Variants in GTF2IRD1 observed in about 807,000 individuals in gnomAD.
The protein encoded by GTF2IRD1 is GTF2I repeat domain containing 1.
Under a neutral mutation model 113.2 loss-of-function variants are expected in GTF2IRD1, and 26 were observed. The observed-to-expected ratio is 0.23, with a 90% CI of 0.17 to 0.32. GTF2IRD1 has a LOEUF of 0.32. GTF2IRD1 is among the 10% of genes least tolerant of loss of function. The pLI is 1.00. For synonymous variants in GTF2IRD1, 484 were observed against 529.1 expected (o/e 0.91, Z 1.17); for missense variants, 864 against 1,280.8 (o/e 0.67, Z 4.97).
intron 22 of GTF2IRD1, among the ~76,000 whole-genome samples, chr7:74,583,759 G>T (rs1206931247): frequency 1.7e-4 from 26 of 152,168 alleles, no homozygotes; most frequent in Admixed American, 5.2e-4. Context: ...GACCAGGCAA[G>T]ACTTGGAAGG....
rs1554326440 is a variant in GTF2IRD1, at chr7:74,454,117, G to C, written c.-66G>C. ...TAAGGAGGCAGCGGCAGGAGGCTGAGTCCTGGCCGCGGGCCGGGGCCGGGG... is the reference window on the plus strand; with the variant it reads ...TAAGGAGGCAGCGGCAGGAGGCTGACTCCTGGCCGCGGGCCGGGGCCGGGG... On this transcript the variant is annotated 5_prime_UTR_variant, in exon 1 of 27. Transcript: ENST00000424337. 1 of 151,964 alleles carries C rather than the reference G, an allele frequency of 6.6e-6. No individual in the cohort carries two copies. Among genetic ancestry groups the C allele is most frequent in the African/African-American group, 2.4e-5 (1 of 41,352 alleles). 9.4% of individuals were successfully genotyped at this position (151,964 alleles called of 1,614,324 possible).
intron 22 of GTF2IRD1, among the ~76,000 whole-genome samples, chr7:74,588,478 A>G (rs1219562788): frequency 1.3e-5 from 2 of 150,942 alleles, no homozygotes; most frequent in Non-Finnish European, 3.0e-5. Flanking sequence ...TCCCACTGCC[A>G]CTCCGTCCTT....
intron 7 of GTF2IRD1, among the ~76,000 whole-genome samples, chr7:74,522,312 G>A (rs1297210466): frequency 1.3e-5 from 2 of 151,920 alleles, no homozygotes; most frequent in Non-Finnish European, 2.9e-5. Flanking sequence ...GAAAGTTTGG[G>A]ATTCAGTTAT....
intron 13 of GTF2IRD1, among the ~76,000 whole-genome samples, chr7:74,539,560 A>G (rs1471492323): frequency 4.6e-5 from 7 of 152,166 alleles, no homozygotes; most frequent in Admixed American, 4.6e-4. Context: ...CCTGGCCAAC[A>G]TAGTGAAACC....
intron 1 of GTF2IRD1, among the ~76,000 whole-genome samples, chr7:74,492,427 C>G (rs1795416261): frequency 6.6e-6 from 1 of 152,062 alleles, no homozygotes; most frequent in South Asian, 2.1e-4. Flanking sequence ...ACCTTGGCCT[C>G]CAAAAGTGCT....
At chr7:74,471,672 T>TAAAAAAAAAAAA (rs66929736) in intron 1 of GTF2IRD1, among the ~76,000 whole-genome samples, 34 of 104,660 alleles carry the variant, frequency 3.2e-4, no homozygotes, top group Middle Eastern at 6.0e-3. Context: ...TTGAAATATT[T>TAAAAAAAAAAAA]AAAAAAAAAA....
intron 4 of GTF2IRD1, among the ~76,000 whole-genome samples, chr7:74,517,868 G>T (rs1584578788): frequency 1.3e-5 from 2 of 152,236 alleles, no homozygotes; most frequent in Non-Finnish European, 2.9e-5. Flanking sequence ...TGCCCAGAGT[G>T]GAGAGGGGCT....
chr7:74,553,479 G>A (rs1799424507), intron 17 of GTF2IRD1, among the ~76,000 whole-genome samples: 1 of 151,614 alleles, frequency 6.6e-6, no homozygotes, highest in Admixed American at 6.6e-5. Context: ...GTAGAGAAGG[G>A]GTCTCGCTAT....
intron 17 of GTF2IRD1, among the ~76,000 whole-genome samples, chr7:74,552,856 C>T (rs1384638482): frequency 6.6e-6 from 1 of 152,064 alleles, no homozygotes; most frequent in Non-Finnish European, 1.5e-5. Flanking sequence ...TTTTTTGAGA[C>T]AGAGTCTCAC....
intron 9 of GTF2IRD1, among the ~76,000 whole-genome samples, 154 bp downstream of exon 9, chr7:74,530,071 G>T (rs1554348393): frequency 6.6e-6 from 1 of 152,166 alleles, no homozygotes; most frequent in African/African-American, 2.4e-5. Context: ...TTAGCCAGGT[G>T]TGGTGGTGGG....
chr7:74,593,965 C>T (rs1554371069), intron 24 of GTF2IRD1, among the ~76,000 whole-genome samples: 1 of 151,512 alleles, frequency 6.6e-6, no homozygotes. Flanking sequence ...TTTGGGAGGC[C>T]AAGGCGGGCA....
chr7:74,477,758 C>T (rs998141674), intron 1 of GTF2IRD1, among the ~76,000 whole-genome samples: 3 of 150,680 alleles, frequency 2.0e-5, no homozygotes, highest in African/African-American at 4.9e-5. Flanking sequence ...GGGAGTGAGC[C>T]GGCTCAGGCG....
At chr7:74,570,996 C>T (rs1372109604) in intron 22 of GTF2IRD1, 2 of 595,522 alleles carry the variant, frequency 3.4e-6, no homozygotes, top group Non-Finnish European at 4.2e-6. Context: ...AACACGAGGG[C>T]TCTCCCCGGA....
intron 22 of GTF2IRD1, among the ~76,000 whole-genome samples, chr7:74,573,707 G>A (rs1457769257): frequency 6.6e-6 from 1 of 152,166 alleles, no homozygotes; most frequent in Non-Finnish European, 1.5e-5. Flanking sequence ...GGTTTACTGG[G>A]TGTACCCGAT....
intron 22 of GTF2IRD1, among the ~76,000 whole-genome samples, chr7:74,564,936 G>A (rs1554360241): frequency 6.6e-6 from 1 of 152,132 alleles, no homozygotes; most frequent in African/African-American, 2.4e-5. Flanking sequence ...AGCCTCAGAG[G>A]GCAGTGGGTG....
At chr7:74,492,898 ACTTCT>A (rs1795449993) in intron 1 of GTF2IRD1, among the ~76,000 whole-genome samples, 1 of 151,456 alleles carries the variant, frequency 6.6e-6, no homozygotes, top group Non-Finnish European at 1.5e-5. Flanking sequence ...CTTCACTTGG[ACTTCT>A]CTTCTATATG....
In GTF2IRD1 at chr7:74,547,681, C is replaced by T. The variant is rs1298693781; in HGVS notation, c.1916+395C>T. 4.6e-5 allele frequency among the ~76,000 whole-genome samples: 7 copies of T among 151,796 alleles called. No homozygotes were observed. The South Asian group carries it at 6.2e-4, about 14-fold the overall frequency. On this transcript the variant is annotated intron_variant, in intron 17 of 26. Coordinates refer to ENST00000424337, the MANE Select transcript of GTF2IRD1 (RefSeq NM_005685.4). ...CTTGAACTACCAACCTCAAGTGATC[C>T]GGCCACCTCAGCCTCCCAAAGTGCT...
intron 9 of GTF2IRD1, among the ~76,000 whole-genome samples, chr7:74,534,500 G>C (rs1554349707): frequency 6.6e-6 from 1 of 152,204 alleles, no homozygotes; most frequent in Non-Finnish European, 1.5e-5. Context: ...TACTCAGGAG[G>C]CTGAGGGAGG....
chr7:74,533,944 G>A lies in GTF2IRD1; in HGVS notation c.1275-1169G>A, dbSNP rs115305812. Reference sequence around the variant, plus strand: ...CTTGGGAGGTTGAGGTAGGAGGATCGCTTGAACCCAGGAGTTCAAGTCTGC... The same window carrying A: ...CTTGGGAGGTTGAGGTAGGAGGATCACTTGAACCCAGGAGTTCAAGTCTGC... On this transcript the variant is annotated intron_variant, in intron 9 of 26. Coordinates refer to ENST00000424337, the MANE Select transcript of GTF2IRD1 (RefSeq NM_005685.4). Among the ~76,000 whole-genome samples, 345 of 151,662 alleles carry A rather than the reference G, an allele frequency of 2.3e-3. 1 individual carries two copies. The highest frequency in any genetic ancestry group is 7.9e-3 in the African/African-American group (328 of 41,358).
Sources: allele counts gnomAD v4.1 joint callset (sites outside exome capture counted in the v4.1 genomes callset), GRCh38; gene constraint gnomAD v4.1.1; transcripts MANE v1.5; gene names NCBI Gene and HGNC (gene_info 2026-07-23, HGNC 2026-07-21).